The following TRHDE variants were observed in gnomAD, a reference collection of about 807,000 sequenced individuals.
TRHDE encodes the protein thyrotropin-releasing hormone-degrading ectoenzyme.
TRHDE carries 72 observed loss-of-function variants against 125.7 expected under a neutral mutation model. The ratio of observed to expected loss-of-function variants is 0.57; its 90% confidence interval spans 0.47 to 0.70. The LOEUF (loss-of-function observed/expected upper bound fraction) is 0.70. Among genes scored for constraint, TRHDE ranks in the 30% least tolerant of loss-of-function variants. TRHDE has a pLI of 0.00. For synonymous variants in TRHDE, 509 were observed against 509.1 expected (o/e 1.00, Z 0.00); for missense variants, 1,110 against 1,327.1 (o/e 0.84, Z 2.54).
chr12:72,404,148 T>C (rs1191690830), intron 3 of TRHDE, among the ~76,000 whole-genome samples: 1 of 152,162 alleles, frequency 6.6e-6, no homozygotes, highest in Non-Finnish European at 1.5e-5. Flanking sequence ...GCTTGGTGGC[T>C]CATGCCTGTA....
rs1265778779 is a variant in TRHDE, at chr12:72,224,065, CCTATCTATCTATCCATCTAT to C, written n.279+118319_279+118338del. ...GAACTAATTATGTATATGTGTCCTT[CCTATCTATCTATCCATCTAT>C]CTATCCATCTATCTATCTATCTATC... On this transcript the variant is annotated intron_variant and non_coding_transcript_variant, in intron 2 of 4. Transcript: ENST00000548156. Among the ~76,000 whole-genome samples the C allele has an allele frequency of 2.0e-4, 29 of 142,686 alleles. 1 individual carries two copies. The highest frequency in any genetic ancestry group is 7.9e-4 in the Admixed American group (11 of 13,970). The allele number at this position is 142,686 out of a possible 152,430, so 93.6% of individuals were successfully genotyped here.
intron 1 of TRHDE, among the ~76,000 whole-genome samples, chr12:72,093,612 C>T (rs1344791673): frequency 6.6e-6 from 1 of 152,008 alleles, no homozygotes; most frequent in Non-Finnish European, 1.5e-5. Flanking sequence ...TATTCAAGCT[C>T]TTTATTAAAT....
intron 3 of TRHDE, among the ~76,000 whole-genome samples, chr12:72,451,656 C>CT (rs575423755): frequency 4.6e-4 from 70 of 151,742 alleles, no homozygotes; most frequent in African/African-American, 1.4e-3. Flanking sequence ...ATTTTAGGCA[C>CT]TTTTTTTTCC....
intron 5 of TRHDE, among the ~76,000 whole-genome samples, chr12:72,496,984 C>G (rs1256013817): frequency 6.6e-6 from 1 of 152,024 alleles, no homozygotes; most frequent in Non-Finnish European, 1.5e-5. Flanking sequence ...TTTTTTCCTC[C>G]TCAATTTAAG....
chr12:72,503,523 C>A (rs1201704276), intron 6 of TRHDE, among the ~76,000 whole-genome samples: 4 of 152,158 alleles, frequency 2.6e-5, no homozygotes, highest in Non-Finnish European at 5.9e-5. Context: ...TGTTATCCAG[C>A]AATATTTCCA....
chr12:72,419,044 T>A (rs974126247), intron 3 of TRHDE, among the ~76,000 whole-genome samples: 1 of 152,108 alleles, frequency 6.6e-6, no homozygotes, highest in Non-Finnish European at 1.5e-5. Flanking sequence ...TAAAGAGATA[T>A]TAAATTATAA....
chr12:72,242,854 T>C (rs1878509299), intron 2 of TRHDE, among the ~76,000 whole-genome samples: 1 of 152,180 alleles, frequency 6.6e-6, no homozygotes, highest in Non-Finnish European at 1.5e-5. Flanking sequence ...TGGCTACTTC[T>C]CCTTAACCAA....
chr12:72,539,743 T>C (rs75885065), intron 6 of TRHDE, among the ~76,000 whole-genome samples: 2,618 of 152,022 alleles, frequency 0.017, 84 homozygotes, highest in African/African-American at 0.06. Context: ...TATGAAACTT[T>C]AGAAAAATCA....
At chr12:72,645,024 G>A (rs556189236) in intron 15 of TRHDE, among the ~76,000 whole-genome samples, 1 of 152,242 alleles carries the variant, frequency 6.6e-6, no homozygotes. Context: ...ATCTTCTTCT[G>A]TACAAGGCCA....
chr12:72,146,462 T>C (rs1283492074), intron 2 of TRHDE, among the ~76,000 whole-genome samples: 1 of 152,248 alleles, frequency 6.6e-6, no homozygotes, highest in African/African-American at 2.4e-5. Flanking sequence ...GAGAGGCTAA[T>C]CTTTCCAGAT....
chr12:72,498,443 G>C (rs1224815280), intron 5 of TRHDE, among the ~76,000 whole-genome samples: 1 of 152,164 alleles, frequency 6.6e-6, no homozygotes, highest in Non-Finnish European at 1.5e-5. Context: ...GAGACACCAG[G>C]AGTGAGTTCA....
chr12:72,293,999 A>G (rs2053886806), intron 2 of TRHDE, among the ~76,000 whole-genome samples: 1 of 152,304 alleles, frequency 6.6e-6, no homozygotes, highest in Middle Eastern at 3.4e-3. Context: ...GCACTGGACC[A>G]GGTGCACCAC....
At chr12:72,533,723 G>GTTTTTTTTTTTTTTTTCTTTTTTT in intron 6 of TRHDE, among the ~76,000 whole-genome samples, 9 of 97,896 alleles carry the variant, frequency 9.2e-5, no homozygotes, top group Non-Finnish European at 1.6e-4. Flanking sequence ...TTTTCTATTT[G>GTTTTTTTTTTTTTTTTCTTTTTTT]TTTTTTTTTT....
chr12:72,405,358 T>C (rs561846985), intron 3 of TRHDE, among the ~76,000 whole-genome samples: 1 of 152,328 alleles, frequency 6.6e-6, no homozygotes, highest in East Asian at 1.9e-4. Flanking sequence ...TCTCCATAGA[T>C]CATTGTGTTT....
At chr12:72,168,713 A>T (rs559828182) in intron 2 of TRHDE, among the ~76,000 whole-genome samples, 49 of 150,884 alleles carry the variant, frequency 3.2e-4, no homozygotes, top group Admixed American at 1.1e-3. Context: ...TATTAGTGAA[A>T]TTTTTTTTTT....
rs182417150 is a variant in TRHDE, at chr12:72,200,879, G to T, written n.279+95127G>T. On this transcript the variant is annotated intron_variant and non_coding_transcript_variant, in intron 2 of 4. Coordinates refer to the TRHDE transcript ENST00000548156. Reference sequence around the variant, plus strand: ...TTGTTTATAAGTGTGCAAAGGCAGGGCACCTAAACCAATCTTGTTGGTGTG... The same window carrying T: ...TTGTTTATAAGTGTGCAAAGGCAGGTCACCTAAACCAATCTTGTTGGTGTG... 1.2e-3 allele frequency among the ~76,000 whole-genome samples: 185 copies of T among 152,300 alleles called. 1 individual carries two copies. The highest frequency in any genetic ancestry group is 4.4e-3 in the African/African-American group (183 of 41,550).
intron 5 of TRHDE, among the ~76,000 whole-genome samples, chr12:72,474,792 G>C (rs1174074555): frequency 6.8e-6 from 1 of 146,738 alleles, no homozygotes; most frequent in Non-Finnish European, 1.5e-5. Flanking sequence ...GTAAACCAAG[G>C]TAAAATATGA....
At chr12:72,245,330 T>G (rs1878556349) in intron 2 of TRHDE, among the ~76,000 whole-genome samples, 1 of 151,792 alleles carries the variant, frequency 6.6e-6, no homozygotes, top group Admixed American at 6.6e-5. Flanking sequence ...TAGATATAGA[T>G]ATAGATAAGA....
At chr12:72,116,294 T>G (rs1340876115) in intron 2 of TRHDE, among the ~76,000 whole-genome samples, 1 of 152,228 alleles carries the variant, frequency 6.6e-6, no homozygotes, top group Non-Finnish European at 1.5e-5. Flanking sequence ...AAGTCTTTGC[T>G]ATTATAAATA....
Sources: gnomAD v4.1 joint callset for allele counts (sites outside exome capture counted in the v4.1 genomes callset) on GRCh38, gnomAD v4.1.1 for gene constraint, MANE v1.5 for transcripts, NCBI Gene and HGNC (gene_info 2026-07-23, HGNC 2026-07-21) for gene names.